SH3GL2: variants seen among roughly 807,000 people sequenced by gnomAD.
The protein encoded by SH3GL2 is endophilin-A1.
Under a neutral mutation model 46.0 loss-of-function variants are expected in SH3GL2, and 24 were observed. The observed-to-expected ratio is 0.52, with a 90% confidence interval of 0.38 to 0.73. SH3GL2 has a LOEUF of 0.73. SH3GL2 is among the 30% of genes least tolerant of loss of function. SH3GL2 has a pLI of 0.00. For synonymous variants in SH3GL2, 196 were observed against 147.1 expected (o/e 1.33, Z -2.40); for missense variants, 413 against 424.2 (o/e 0.97, Z 0.23).
At chr9:17,664,954 C>A (rs1238883907) in intron 1 of SH3GL2, among the ~76,000 whole-genome samples, 2 of 151,708 alleles carry the variant, frequency 1.3e-5, no homozygotes, top group African/African-American at 2.4e-5. Flanking sequence ...GAAATTGATA[C>A]TTTTAAAGTT....
In SH3GL2 at chr9:17,733,159, C is replaced by A. The variant is rs112208869; in HGVS notation, c.46-13907C>A. Among the ~76,000 whole-genome samples the A allele has an allele frequency of 1.6e-3, 244 of 152,224 alleles. 3 individuals carry two copies. The highest frequency in any genetic ancestry group is 5.0e-3 in the African/African-American group (206 of 41,554). On this transcript the variant is annotated intron_variant, in intron 1 of 8. Coordinates refer to ENST00000380607, the MANE Select transcript of SH3GL2 (RefSeq NM_003026.5). ...CTCCTCTTTCCTACAACCCTCACCC[C>A]ATGTCAGAAATATAATCCTTCATTT...
At chr9:17,652,555 A>G (rs951893624) in intron 1 of SH3GL2, among the ~76,000 whole-genome samples, 2 of 152,072 alleles carry the variant, frequency 1.3e-5, no homozygotes, top group African/African-American at 4.8e-5. Context: ...TAATTAGTGT[A>G]TTTACATTTT....
chr9:17,782,929 A>C (rs773989148), intron 3 of SH3GL2, among the ~76,000 whole-genome samples: 3 of 151,660 alleles, frequency 2.0e-5, no homozygotes, highest in South Asian at 2.1e-4. Context: ...ATCTTGCGCA[A>C]CCTCACTTTG....
chr9:17,723,166 C>T (rs1011560958), intron 1 of SH3GL2, among the ~76,000 whole-genome samples: 1 of 152,060 alleles, frequency 6.6e-6, no homozygotes, highest in Non-Finnish European at 1.5e-5. Flanking sequence ...CATATTTGTA[C>T]AAAGCTTTCA....
intron 1 of SH3GL2, among the ~76,000 whole-genome samples, chr9:17,691,523 C>G (rs916941556): frequency 6.6e-6 from 1 of 152,082 alleles, no homozygotes; most frequent in African/African-American, 2.4e-5. Context: ...GGGTTTATAA[C>G]GTTCTAAGCC....
intron 1 of SH3GL2, among the ~76,000 whole-genome samples, chr9:17,744,503 C>T (rs146509976): frequency 1.3e-5 from 2 of 152,032 alleles, no homozygotes; most frequent in African/African-American, 4.8e-5. Flanking sequence ...GTATCTGGGA[C>T]CACAGGTGCA....
At chr9:17,675,164 T>C (rs140966750) in intron 1 of SH3GL2, among the ~76,000 whole-genome samples, 99 of 152,342 alleles carry the variant, frequency 6.5e-4, no homozygotes, top group African/African-American at 2.2e-3. Flanking sequence ...GTATGTCTTA[T>C]TTCCTTCCTT....
At chr9:17,623,060 TTC>T (rs767619650) in intron 1 of SH3GL2, among the ~76,000 whole-genome samples, 21,920 of 110,494 alleles carry the variant, frequency 0.2, 2,014 homozygotes, top group Middle Eastern at 0.28. Flanking sequence ...CCCCTTCCCC[TTC>T]CCCTTCCCCT....
intron 1 of SH3GL2, among the ~76,000 whole-genome samples, chr9:17,610,476 G>T (rs1452999736): frequency 6.6e-6 from 1 of 152,146 alleles, no homozygotes; most frequent in East Asian, 1.9e-4. Flanking sequence ...TCGATTGTTA[G>T]GTTGGTTTAA....
chr9:17,785,747 G>A (rs1823938068), intron 3 of SH3GL2, among the ~76,000 whole-genome samples: 1 of 152,072 alleles, frequency 6.6e-6, no homozygotes, highest in African/African-American at 2.4e-5. Context: ...TCTCTTTGAG[G>A]CACAAAACTA....
At position 17,789,391 on chromosome 9, in the gene SH3GL2, G is replaced by C; in HGVS notation, c.466-1G>C. On this transcript the variant is annotated splice_acceptor_variant, in intron 5 of 8. Transcript: ENST00000380607. LOFTEE classifies it high-confidence loss of function. The stretch of plus-strand genomic sequence containing the variant: ...CCTATTCCTGCCCTTGACTTTTGCA[G>C]CATCATCTAAAGAAGTTGGAGGGTC... The C allele has an allele frequency of 6.2e-7, 1 of 1,612,800 alleles. No homozygotes were observed. Among genetic ancestry groups the C allele is most frequent in the Non-Finnish European group, 8.5e-7 (1 of 1,179,148 alleles).
At chr9:17,652,522 G>T (rs1433832488) in intron 1 of SH3GL2, among the ~76,000 whole-genome samples, 1 of 152,076 alleles carries the variant, frequency 6.6e-6, no homozygotes, top group Non-Finnish European at 1.5e-5. Flanking sequence ...CAGAAGAGCA[G>T]CTAGTCTATG....
intron 1 of SH3GL2, among the ~76,000 whole-genome samples, chr9:17,696,258 C>T (rs936134036): frequency 1.4e-4 from 22 of 152,072 alleles, no homozygotes; most frequent in African/African-American, 4.6e-4. Flanking sequence ...ATACAGATAA[C>T]TATTACATTT....
intron 2 of SH3GL2, among the ~76,000 whole-genome samples, chr9:17,759,156 A>C (rs1469362417): frequency 1.3e-5 from 2 of 152,172 alleles, no homozygotes; most frequent in African/African-American, 2.4e-5. Flanking sequence ...CAGGTGGGAT[A>C]GACACTGCAG....
chr9:17,590,996 G>C (rs538837314), intron 1 of SH3GL2: 5 of 152,188 alleles, frequency 3.3e-5, no homozygotes, highest in Non-Finnish European at 7.3e-5. Context: ...CTACTCAAGT[G>C]ATATGCCTTC....
chr9:17,745,169 C>G (rs1020364042), intron 1 of SH3GL2, among the ~76,000 whole-genome samples: 2 of 152,144 alleles, frequency 1.3e-5, no homozygotes, highest in Non-Finnish European at 2.9e-5. Context: ...TCTGGGTACA[C>G]ATATTAAATG....
At chr9:17,655,242 T>A (rs1481718637) in intron 1 of SH3GL2, among the ~76,000 whole-genome samples, 1 of 152,192 alleles carries the variant, frequency 6.6e-6, no homozygotes, top group Non-Finnish European at 1.5e-5. Flanking sequence ...TTGTCTTGTC[T>A]TTTTGAATTC....
intron 3 of SH3GL2, among the ~76,000 whole-genome samples, chr9:17,785,193 C>G (rs377095235): frequency 2.0e-5 from 3 of 152,144 alleles, no homozygotes; most frequent in Non-Finnish European, 2.9e-5. Context: ...TTGCGATGCC[C>G]CTCCCCAACT....
chr9:17,746,724 A>G (rs1250198324), intron 1 of SH3GL2, among the ~76,000 whole-genome samples: 1 of 152,208 alleles, frequency 6.6e-6, no homozygotes, highest in African/African-American at 2.4e-5. Flanking sequence ...TCAGAGGGAA[A>G]TGATTATTGT....
Sources: gnomAD v4.1 joint callset for allele counts (sites outside exome capture counted in the v4.1 genomes callset) on GRCh38, gnomAD v4.1.1 for gene constraint, MANE v1.5 for transcripts, NCBI Gene and HGNC (gene_info 2026-07-23, HGNC 2026-07-21) for gene names.